The following DIAPH2 variants were observed in gnomAD, a reference collection of about 807,000 sequenced individuals.
The protein encoded by DIAPH2 is protein diaphanous homolog 2.
In DIAPH2, 35 loss-of-function variants were observed where a neutral mutation model predicts 92.7. That is an observed-to-expected ratio of 0.38 (90% confidence interval 0.29 to 0.50). The LOEUF (loss-of-function observed/expected upper bound fraction) is 0.50. DIAPH2 is among the 20% of genes least tolerant of loss of function. The pLI, the probability that DIAPH2 is intolerant of heterozygous loss-of-function variation, is 0.94. For synonymous variants in DIAPH2, 301 were observed against 280.4 expected (o/e 1.07, Z -0.73); for missense variants, 701 against 819.5 (o/e 0.86, Z 1.77).
intron 4 of DIAPH2, among the ~76,000 whole-genome samples, chrX:96,844,736 A>G (rs2064960062): frequency 9.0e-6 from 1 of 111,658 alleles, no homozygotes; most frequent in African/African-American, 3.3e-5. Flanking sequence ...TAGAAAATTT[A>G]TATTCACACA....
intron 4 of DIAPH2, among the ~76,000 whole-genome samples, chrX:96,837,404 CCTCTCTCTCT>C (rs758318611): frequency 8.9e-4 from 59 of 66,065 alleles, no homozygotes; most frequent in Admixed American, 4.5e-3. Context: ...TTCCTCCCTC[CCTCTCTCTCT>C]CTCTCTCTCT....
chrX:96,888,551 ATATC>A (rs1263957041), intron 5 of DIAPH2, among the ~76,000 whole-genome samples: 33 of 95,014 alleles, frequency 3.5e-4, no homozygotes, highest in African/African-American at 8.2e-4. Flanking sequence ...ACAGATATAT[ATATC>A]TATATATATA....
At chrX:97,025,766 A>G (rs2066330476) in intron 17 of DIAPH2, among the ~76,000 whole-genome samples, 1 of 112,794 alleles carries the variant, frequency 8.9e-6, no homozygotes, top group South Asian at 3.6e-4. Context: ...AGTAGTCTAG[A>G]AATCATGTGG....
At chrX:97,447,958 G>A (rs919105622) in intron 26 of DIAPH2, among the ~76,000 whole-genome samples, 9 of 111,889 alleles carry the variant, frequency 8.0e-5, no homozygotes, top group African/African-American at 1.6e-4. Flanking sequence ...TTAAGAAATA[G>A]TCACTGCTTT....
chrX:97,574,558 C>T (rs2071389402), intron 26 of DIAPH2, among the ~76,000 whole-genome samples: 1 of 111,276 alleles, frequency 9.0e-6, no homozygotes, highest in South Asian at 3.8e-4. Flanking sequence ...CAAGCTGAAT[C>T]TTAACAGATG....
At chrX:97,599,104 C>T (rs2071574748) in intron 26 of DIAPH2, 149 bp from the exon 27 acceptor site, 1 of 330,033 alleles carries the variant, frequency 3.0e-6, no homozygotes, top group East Asian at 6.2e-5. Flanking sequence ...GCATGAACTC[C>T]TCAGATCTGA....
chrX:97,264,111 T>C (rs1219780422), intron 23 of DIAPH2, among the ~76,000 whole-genome samples: 14 of 108,993 alleles, frequency 1.3e-4, no homozygotes, highest in African/African-American at 4.7e-4. Context: ...TTTGTAAAGA[T>C]GGGGTTTCGC....
intron 12 of DIAPH2, among the ~76,000 whole-genome samples, chrX:96,939,668 A>ATTTTTTTTTTTTTTTTTTTTTTTTTT (rs752101731): frequency 2.1e-5 from 1 of 48,246 alleles, no homozygotes; most frequent in African/African-American, 6.6e-5. Context: ...TTTAGGTAAC[A>ATTTTTTTTTTTTTTTTTTTTTTTTTT]TTTTTTTTTT....
chrX:96,708,902 C>T (rs974455127), intron 1 of DIAPH2, among the ~76,000 whole-genome samples: 1 of 111,690 alleles, frequency 9.0e-6, no homozygotes, highest in African/African-American at 3.3e-5. Context: ...TCATGACTGC[C>T]TCTATGAGAG....
At chrX:97,090,117 A>G (rs1205903575) in intron 19 of DIAPH2, among the ~76,000 whole-genome samples, 1 of 111,491 alleles carries the variant, frequency 9.0e-6, no homozygotes, top group Non-Finnish European at 1.9e-5. Context: ...ATACACTTAT[A>G]TAGGTTATAT....
intron 1 of DIAPH2, among the ~76,000 whole-genome samples, chrX:96,725,612 C>T (rs953579175): frequency 2.7e-5 from 3 of 111,230 alleles, no homozygotes; most frequent in East Asian, 2.8e-4. Context: ...TATGGGTTAA[C>T]GCCTTTGGAT....
intron 23 of DIAPH2, among the ~76,000 whole-genome samples, chrX:97,255,410 T>C (rs2068228821): frequency 8.9e-6 from 1 of 111,942 alleles, no homozygotes; most frequent in Admixed American, 9.6e-5. Context: ...CTTTGATTAT[T>C]GTACTTGCTG....
At chrX:96,865,237 T>C (rs2065097254) in intron 4 of DIAPH2, among the ~76,000 whole-genome samples, 1 of 111,927 alleles carries the variant, frequency 8.9e-6, no homozygotes, top group Admixed American at 9.5e-5. Context: ...AGGCTGCAGA[T>C]TTTTTATGTG....
chrX:96,937,674 C>T (rs922837190), intron 11 of DIAPH2, among the ~76,000 whole-genome samples: 5 of 111,548 alleles, frequency 4.5e-5, no homozygotes, highest in Non-Finnish European at 9.4e-5. Flanking sequence ...AATTTCACTG[C>T]GTTCATATGT....
chrX:97,045,848 A>ACTTTTTTTTTT (rs1239959717), intron 17 of DIAPH2, among the ~76,000 whole-genome samples: 1 of 64,445 alleles, frequency 1.6e-5, no homozygotes, highest in African/African-American at 6.0e-5. Context: ...GTATTTTAGG[A>ACTTTTTTTTTT]TTTTTTTTTT....
At position 96,751,740 on chromosome X, in the gene DIAPH2, G is replaced by A. The variant is rs1221930419; in HGVS notation, c.343-6414G>A. 5.0e-5 allele frequency among the ~76,000 whole-genome samples: 3 copies of A among 60,359 alleles called. No homozygotes were observed. The Admixed American group carries it at 7.1e-4, about 14-fold the overall frequency. The allele number at this position is 60,359 out of a possible 115,157, so 52.4% of individuals were successfully genotyped here. A position where few individuals can be genotyped will look rare whatever the true frequency, so the allele number is the denominator to read the frequency against. ...GGGATCTCGGCTCACTGCAAGCTCC[G>A]CCTCCCGGGTTCACGCCATTCTCCT... On this transcript the variant is annotated intron_variant, in intron 3 of 26. Coordinates refer to ENST00000324765, the MANE Select transcript of DIAPH2 (RefSeq NM_006729.5).
At chrX:97,334,231 G>A (rs1859180659) in intron 23 of DIAPH2, among the ~76,000 whole-genome samples, 1 of 109,840 alleles carries the variant, frequency 9.1e-6, no homozygotes, top group Non-Finnish European at 1.9e-5. Context: ...GGGAGGCCGA[G>A]GCGGGCGGAT....
At chrX:97,007,753 CT>C (rs1458016393) in intron 17 of DIAPH2, among the ~76,000 whole-genome samples, 5 of 92,272 alleles carry the variant, frequency 5.4e-5, no homozygotes, top group South Asian at 4.9e-4. Flanking sequence ...AGGCTGTTTT[CT>C]TTTTTTCTTT....
At chrX:97,339,284 G>A (rs1030793253) in intron 23 of DIAPH2, among the ~76,000 whole-genome samples, 19 of 110,865 alleles carry the variant, frequency 1.7e-4, no homozygotes, top group Non-Finnish European at 3.4e-4. Context: ...GCCTGGGTGG[G>A]CAAATCACTT....
Sources: allele counts gnomAD v4.1 joint callset (sites outside exome capture counted in the v4.1 genomes callset), GRCh38; gene constraint gnomAD v4.1.1; transcripts MANE v1.5; gene names NCBI Gene and HGNC (gene_info 2026-07-23, HGNC 2026-07-21).